Variants in CNPY2 observed in about 807,000 individuals in gnomAD.
CNPY2 encodes canopy FGF signaling regulator 2.
In CNPY2, 19 loss-of-function variants were observed where a neutral mutation model predicts 25.5. That is an observed-to-expected ratio of 0.74 (90% CI 0.52 to 1.09). The LOEUF (loss-of-function observed/expected upper bound fraction) is 1.09. Ranked by LOEUF, CNPY2 falls within the 50% of genes least tolerant of loss-of-function variation. The pLI is 0.00. For missense variants in CNPY2, 214 were observed against 233.6 expected (o/e 0.92, Z 0.55); for synonymous variants, 82 against 85.0 (o/e 0.96, Z 0.19).
chr12:56,310,931 A>G lies in CNPY2; in HGVS notation c.505+27T>C, dbSNP rs1298777536. ...TGTCAGGTTCCACAGAGCTACTAGAACAGGAGATAAAGTGGGGGCAGCTTA... is the reference window on the plus strand; with the variant it reads ...TGTCAGGTTCCACAGAGCTACTAGAGCAGGAGATAAAGTGGGGGCAGCTTA... On this transcript the variant is annotated intron_variant, in intron 5 of 5. Coordinates refer to ENST00000273308, the MANE Select transcript of CNPY2 (RefSeq NM_014255.7). 5.0e-6 allele frequency: 8 copies of G among 1,598,542 alleles called. No individual in the cohort carries two copies. The Admixed American group carries it at 1.2e-4, about 23-fold the overall frequency.
At chr12:56,314,406 G>C in intron 3 of CNPY2, 1 of 1,039,630 alleles carries the variant, frequency 9.6e-7, no homozygotes, top group Non-Finnish European at 1.2e-6. Flanking sequence ...TCTTAACACT[G>C]CCTTATATAT....
At chr12:56,314,443 A>C in intron 3 of CNPY2, 1 of 1,095,700 alleles carries the variant, frequency 9.1e-7, no homozygotes, top group South Asian at 2.5e-5. Flanking sequence ...CTTTGTGTAC[A>C]TGTGTGTTGT....
chr12:56,315,152 C>A lies in CNPY2; in HGVS notation c.66G>T (p.Arg22Ser). Residue 22 changes from arginine to serine, a missense_variant, in exon 2 of 6, where the codon AGG becomes AGT. Transcript: ENST00000273308. ...GALLGTAWAR[R>S]SQDLHCGACR... ...TACCTCCACAGTGGAGATCCTGGCT[C>A]CTCCGAGCCCAGGCGGTTCCCAGCA... 1 of 1,614,126 alleles carries A rather than the reference C, an allele frequency of 6.2e-7. No homozygotes were observed. The highest frequency in any genetic ancestry group is 8.5e-7 in the Non-Finnish European group (1 of 1,179,982).
intron 3 of CNPY2, chr12:56,312,951 A>G (rs1184634767): frequency 6.6e-6 from 1 of 152,218 alleles, no homozygotes; most frequent in Non-Finnish European, 1.5e-5. Context: ...AACCTGATCA[A>G]CTTATACTTC....
At position 56,310,309 on chromosome 12, in the gene CNPY2, C is replaced by T; in HGVS notation, c.*243G>A. ...GAATTAAAGGTTCAGGCCTCTCCTACCTTTATCCTGTATCAATCCCAAAAC... is the reference window on the plus strand; with the variant it reads ...GAATTAAAGGTTCAGGCCTCTCCTATCTTTATCCTGTATCAATCCCAAAAC... On this transcript the variant is annotated 3_prime_UTR_variant, in exon 6 of 6. Coordinates refer to ENST00000273308, the MANE Select transcript of CNPY2 (RefSeq NM_014255.7). 1 of 601,896 alleles carries T rather than the reference C, an allele frequency of 1.7e-6. No homozygotes were observed. Among genetic ancestry groups the T allele is most frequent in the Non-Finnish European group, 2.9e-6 (1 of 340,146 alleles). The allele number at this position is 601,896 out of a possible 1,614,324, so 37.3% of individuals were successfully genotyped here. A position where few individuals can be genotyped will look rare whatever the true frequency, so the allele number is the denominator to read the frequency against.
At chr12:56,311,783 C>T (rs1172520839) in intron 3 of CNPY2, 4 of 320,180 alleles carry the variant, frequency 1.2e-5, no homozygotes, top group Admixed American at 9.2e-5. Context: ...AACTCCAGAC[C>T]TCAGGTGATC....
At chr12:56,310,912 G>T in intron 5 of CNPY2, 46 bp downstream of exon 5, 1 of 1,547,278 alleles carries the variant, frequency 6.5e-7, no homozygotes, top group Non-Finnish European at 8.9e-7. Context: ...GGAATGTCAG[G>T]TTCCACAGAG....
chr12:56,315,439 G>A (rs1291264588), intron 1 of CNPY2, among the ~76,000 whole-genome samples, 197 bp from the exon 2 acceptor site: 1 of 152,258 alleles, frequency 6.6e-6, no homozygotes, highest in Non-Finnish European at 1.5e-5. Context: ...GTGGGTGGGA[G>A]CGCGAGCTCA....
chr12:56,313,229 G>A (rs1348103325), intron 3 of CNPY2, among the ~76,000 whole-genome samples: 5 of 151,992 alleles, frequency 3.3e-5, no homozygotes, highest in Admixed American at 6.6e-5. Context: ...GGTGGCTCAC[G>A]CCTGTAATCC....
chr12:56,313,925 G>T (rs1469652859), intron 3 of CNPY2, among the ~76,000 whole-genome samples: 5 of 149,652 alleles, frequency 3.3e-5, no homozygotes, highest in Non-Finnish European at 7.4e-5. Flanking sequence ...TTTCAAGACA[G>T]AGTTTTGTTC....
intron 3 of CNPY2, 21 bp downstream of exon 3, chr12:56,314,830 T>TG (rs1565628822): frequency 1.2e-6 from 2 of 1,614,194 alleles, no homozygotes; most frequent in Non-Finnish European, 1.7e-6. Flanking sequence ...CTACTTTGTT[T>TG]GGGGGAACAG....
Position 56,315,102 on chromosome 12 carries a change from CCACTTCTTTTTCCCGTTGTG to C in CNPY2, c.88+8_88+27del. 6.2e-7 allele frequency: 1 copy of C among 1,610,056 alleles called. No individual in the cohort carries two copies. The highest frequency in any genetic ancestry group is 8.5e-7 in the Non-Finnish European group (1 of 1,176,262). On this transcript the variant is annotated splice_region_variant and intron_variant, in intron 2 of 5. Transcript: ENST00000273308. ...ATGCCCTCCCAAGGCTCTGCTTCCT[CCACTTCTTTTTCCCGTTGTG>C]CCTTTACCTCCACAGTGGAGATCCT... is the stretch of plus-strand genomic sequence containing the variant.
chr12:56,315,173 C>CAGCAGGGCCCCCAGA lies in CNPY2; in HGVS notation c.30_44dup (p.Leu11_Leu15dup), dbSNP rs761587536. The CAGCAGGGCCCCCAGA allele has an allele frequency of 1.5e-5, 24 of 1,614,072 alleles. No homozygotes were observed. The highest frequency in any genetic ancestry group is 1.9e-5 in the Non-Finnish European group (23 of 1,180,042). On this transcript the variant is annotated inframe_insertion, in exon 2 of 6. Coordinates refer to ENST00000273308, the MANE Select transcript of CNPY2 (RefSeq NM_014255.7). The stretch of plus-strand genomic sequence containing the variant: ...GGCTCCTCCGAGCCCAGGCGGTTCC[C>CAGCAGGGCCCCCAGA]AGCAGGGCCCCCAGAAGCAGGGCCA...
At chr12:56,311,140 CCTAA>C in intron 4 of CNPY2, 67 bp downstream of exon 4, 8 of 1,603,884 alleles carry the variant, frequency 5.0e-6, no homozygotes, top group Non-Finnish European at 6.8e-6. Context: ...AGGATATCAG[CCTAA>C]CTTTCTAATT....
intron 3 of CNPY2, chr12:56,314,487 A>T (rs1873821669): frequency 2.7e-6 from 3 of 1,129,326 alleles, no homozygotes; most frequent in South Asian, 4.6e-5. Flanking sequence ...TGAGGATAAG[A>T]CCTTTTATTC....
In CNPY2 at chr12:56,315,208, A is replaced by T; in HGVS notation, c.10T>A (p.Trp4Arg). The T allele has an allele frequency of 6.2e-7, 1 of 1,613,932 alleles. No homozygotes were observed. The highest frequency in any genetic ancestry group is 1.1e-5 in the South Asian group (1 of 91,082). MKG[W>R]GWLALLLGAL... is the part of the protein sequence containing the mutation. ...CCCAGAAGCAGGGCCAGCCAACCCC[A>T]GCCTTTCATCTTTAGCGTAATGGGG... The change falls in exon 2 of 6, where the codon TGG (tryptophan) becomes AGG (arginine). Residue 4 changes from tryptophan to arginine, a missense_variant. Physicochemically the swap from Trp to Arg is moderately radical, Grantham distance 101. Transcript: ENST00000273308.
intron 4 of CNPY2, 45 bp from the exon 5 acceptor site, chr12:56,311,099 C>T (rs1410451372): frequency 1.2e-6 from 2 of 1,606,282 alleles, no homozygotes; most frequent in African/African-American, 1.3e-5. Context: ...CAATAAGAGG[C>T]CTCTTGCCTT....
intron 3 of CNPY2, 133 bp downstream of exon 3, chr12:56,314,718 A>G (rs888116586): frequency 9.2e-6 from 14 of 1,530,050 alleles, no homozygotes; most frequent in Middle Eastern, 1.9e-4. Context: ...AGCTTCTTCC[A>G]AATGAGACAG....
intron 5 of CNPY2, 109 bp downstream of exon 5, chr12:56,310,849 G>C: frequency 9.8e-7 from 1 of 1,024,388 alleles, no homozygotes; most frequent in Non-Finnish European, 1.5e-6. Flanking sequence ...ATGGAAGACA[G>C]CTCTTGACCT....
Sources: allele counts gnomAD v4.1 joint callset (sites outside exome capture counted in the v4.1 genomes callset), GRCh38; gene constraint gnomAD v4.1.1; transcripts MANE v1.5; gene names NCBI Gene and HGNC (gene_info 2026-07-23, HGNC 2026-07-21).